Variants in PKN2 observed in about 807,000 individuals in gnomAD.
PKN2 encodes protein kinase N2.
In PKN2, 38 loss-of-function variants were observed where a neutral mutation model predicts 119.1. The observed-to-expected ratio is 0.32, with a 90% CI of 0.25 to 0.42. PKN2 has a LOEUF of 0.42. PKN2 is among the 10% of genes least tolerant of loss of function. PKN2 has a pLI of 1.00. For synonymous variants in PKN2, 390 were observed against 384.9 expected (o/e 1.01, Z -0.15); for missense variants, 850 against 1,165.1 (o/e 0.73, Z 3.94).
chr1:88,730,129 C>T (rs1348018794), intron 1 of PKN2, among the ~76,000 whole-genome samples: 1 of 151,644 alleles, frequency 6.6e-6, no homozygotes, highest in East Asian at 1.9e-4. Flanking sequence ...TGTGCCACTG[C>T]ACTCCAGCCT....
chr1:88,700,881 CAATTTT>C (rs1413546005), intron 1 of PKN2, among the ~76,000 whole-genome samples: 2 of 152,144 alleles, frequency 1.3e-5, no homozygotes, highest in African/African-American at 4.8e-5. Flanking sequence ...GAAAATCTTC[CAATTTT>C]AATTTGTTAC....
intron 8 of PKN2, among the ~76,000 whole-genome samples, chr1:88,798,794 C>A (rs2100859706): frequency 6.6e-6 from 1 of 152,246 alleles, no homozygotes; most frequent in South Asian, 2.1e-4. Context: ...ATGATGACAA[C>A]CATGAGTCCT....
chr1:88,699,628 CA>C (rs1666691294), intron 1 of PKN2, among the ~76,000 whole-genome samples: 1 of 152,102 alleles, frequency 6.6e-6, no homozygotes, highest in Non-Finnish European at 1.5e-5. Flanking sequence ...TCGATGAGTC[CA>C]TGTGTTCTCA....
chr1:88,696,835 A>G (rs890865984), intron 1 of PKN2, among the ~76,000 whole-genome samples: 1 of 152,166 alleles, frequency 6.6e-6, no homozygotes, highest in Admixed American at 6.5e-5. Context: ...ACTTTTCATC[A>G]TCTGACCCCC....
intron 8 of PKN2, among the ~76,000 whole-genome samples, chr1:88,791,429 CAAA>C (rs1215928678): frequency 1.2e-5 from 1 of 84,032 alleles, no homozygotes; most frequent in Non-Finnish European, 2.5e-5. Flanking sequence ...AACTCTGTCT[CAAA>C]AAAAAAAAAA....
intron 1 of PKN2, among the ~76,000 whole-genome samples, chr1:88,711,671 T>C (rs1667239997): frequency 1.3e-5 from 2 of 152,182 alleles, no homozygotes. Context: ...TTTGGAATGT[T>C]TGTAGAATGC....
intron 1 of PKN2, among the ~76,000 whole-genome samples, chr1:88,691,955 A>C (rs537755820): frequency 6.6e-6 from 1 of 152,178 alleles, no homozygotes; most frequent in South Asian, 2.1e-4. Context: ...TATGTATGTT[A>C]AAGGAAAAGT....
In PKN2 at chr1:88,737,039, T is replaced by A. The variant is rs533234408; in HGVS notation, c.49-3949T>A. On this transcript the variant is annotated intron_variant, in intron 1 of 21. Transcript: ENST00000370521. Reference sequence around the variant, plus strand: ...GTGTACCTGTTCCCCTCTCATTCTTTCAAGCATCAGTGTCTCCACACTGTG... The same window carrying A: ...GTGTACCTGTTCCCCTCTCATTCTTACAAGCATCAGTGTCTCCACACTGTG... Among the ~76,000 whole-genome samples the A allele has an allele frequency of 5.4e-4, 82 of 152,314 alleles. 1 individual carries two copies. Among genetic ancestry groups the A allele is most frequent in the African/African-American group, 1.9e-3 (80 of 41,562 alleles).
chr1:88,700,524 A>G (rs936991873), intron 1 of PKN2, among the ~76,000 whole-genome samples: 2 of 152,220 alleles, frequency 1.3e-5, no homozygotes, highest in Non-Finnish European at 2.9e-5. Flanking sequence ...GTACATACTC[A>G]GAGAGGCACA....
In PKN2 at chr1:88,730,730, A is replaced by G. The variant is rs79728443; in HGVS notation, c.49-10258A>G. Among the ~76,000 whole-genome samples, 647 of 152,356 alleles carry G rather than the reference A, an allele frequency of 4.2e-3. 1 individual carries two copies. The highest frequency in any genetic ancestry group is 0.015 in the African/African-American group (609 of 41,576). ...GTAGGCACCCAGCACTATCTGCTTC[A>G]GTACCAACTATGTGCCAGAAACTGT... is the stretch of plus-strand genomic sequence containing the variant. On this transcript the variant is annotated intron_variant, in intron 1 of 21. Transcript: ENST00000370521.
intron 16 of PKN2, among the ~76,000 whole-genome samples, chr1:88,818,983 GGAACTGAAAC>G (rs751941037): frequency 0.067 from 10,131 of 151,920 alleles, 692 homozygotes; most frequent in African/African-American, 0.18. Flanking sequence ...CCATATGCGG[GGAACTGAAAC>G]TGAACCCCTT....
chr1:88,731,453 C>T (rs1156982954), intron 1 of PKN2, among the ~76,000 whole-genome samples: 1 of 152,048 alleles, frequency 6.6e-6, no homozygotes, highest in Non-Finnish European at 1.5e-5. Context: ...TCAGAGGGCC[C>T]CTGGAAGAAG....
chr1:88,768,727 G>A (rs550224016), intron 3 of PKN2, among the ~76,000 whole-genome samples: 1 of 152,288 alleles, frequency 6.6e-6, no homozygotes, highest in South Asian at 2.1e-4. Flanking sequence ...CAGTGTTACT[G>A]GAACTAAGCA....
chr1:88,798,780 C>T (rs1671194160), intron 8 of PKN2, among the ~76,000 whole-genome samples: 1 of 152,168 alleles, frequency 6.6e-6, no homozygotes. Flanking sequence ...CAGTAACTTC[C>T]AGAATGATGA....
At chr1:88,723,910 T>G (rs531759572) in intron 1 of PKN2, among the ~76,000 whole-genome samples, 2 of 152,322 alleles carry the variant, frequency 1.3e-5, no homozygotes, top group Admixed American at 1.3e-4. Flanking sequence ...TTTTCTCTTT[T>G]GGTTCTCATA....
At chr1:88,735,598 GCCCA>G (rs766101541) in intron 1 of PKN2, among the ~76,000 whole-genome samples, 402 of 12,014 alleles carry the variant, frequency 0.033, no homozygotes, top group Middle Eastern at 0.083. Flanking sequence ...TTGGTTGACA[GCCCA>G]CCCCCCCCCC....
chr1:88,745,557 C>T (rs890851386), intron 2 of PKN2, among the ~76,000 whole-genome samples: 4 of 151,884 alleles, frequency 2.6e-5, no homozygotes, highest in African/African-American at 7.3e-5. Flanking sequence ...ATTGAAAGAG[C>T]TCTATATAGA....
At chr1:88,801,377 C>T (rs771130622) in intron 8 of PKN2, among the ~76,000 whole-genome samples, 9 of 152,068 alleles carry the variant, frequency 5.9e-5, no homozygotes, top group Non-Finnish European at 1.3e-4. Flanking sequence ...AAGAGTGAAA[C>T]CCCATCTCAA....
intron 3 of PKN2, among the ~76,000 whole-genome samples, chr1:88,762,203 T>C (rs1452118241): frequency 6.6e-6 from 1 of 152,210 alleles, no homozygotes; most frequent in African/African-American, 2.4e-5. Flanking sequence ...AACAGAGTTA[T>C]GGACATATTA....
Sources: allele counts gnomAD v4.1 joint callset (sites outside exome capture counted in the v4.1 genomes callset), GRCh38; gene constraint gnomAD v4.1.1; transcripts MANE v1.5; gene names NCBI Gene and HGNC (gene_info 2026-07-23, HGNC 2026-07-21).